HEXB: variants seen among roughly 807,000 people sequenced by gnomAD.
HEXB encodes hexosaminidase subunit beta, also known as beta-hexosaminidase subunit beta.
A neutral mutation model predicts 71.2 loss-of-function variants in HEXB; 51 were observed. The ratio of observed to expected loss-of-function variants is 0.72; its 90% CI spans 0.57 to 0.90. The LOEUF is 0.90. Ranked by LOEUF, HEXB falls within the 40% of genes least tolerant of loss-of-function variation. HEXB has a pLI of 0.00. For synonymous variants in HEXB, 266 were observed against 249.3 expected, an observed-to-expected ratio of 1.07 and a Z score of -0.63; for missense variants, 617 against 677.0, an observed-to-expected ratio of 0.91 and a Z score of 0.98.
chr5:74,720,071 A>G (rs951750503), intron 11 of HEXB: 2 of 271,158 alleles, frequency 7.4e-6, no homozygotes, highest in African/African-American at 4.4e-5. Context: ...TCCCTGGCAC[A>G]CTACTAAATA....
rs1295611093 is a variant in HEXB at position 74,705,340 on chromosome 5, C to G, written c.771+20C>G. 7.8e-7 allele frequency: 1 copy of G among 1,274,226 alleles called. No individual in the cohort carries two copies. Among genetic ancestry groups the G allele is most frequent in the Admixed American group, 1.7e-5 (1 of 59,544 alleles). 78.9% of individuals were successfully genotyped at this position (1,274,226 alleles called of 1,614,324 possible). On this transcript the variant is annotated intron_variant, in intron 6 of 13. Transcript: ENST00000261416. ...AATAAAGTGAGTAAATTGTATTGTA[C>G]TCTGTCTACAAAAACATTGGGTATA...
intron 6 of HEXB, among the ~76,000 whole-genome samples, chr5:74,713,205 A>G (rs974930974): frequency 5.9e-5 from 9 of 152,246 alleles, no homozygotes; most frequent in African/African-American, 2.2e-4. Flanking sequence ...CGGTTAGCCC[A>G]AAGTATACTG....
chr5:74,690,148 C>T (rs1021040770), intron 2 of HEXB, among the ~76,000 whole-genome samples: 1 of 152,132 alleles, frequency 6.6e-6, no homozygotes, highest in African/African-American at 2.4e-5. Flanking sequence ...CAACATTTAG[C>T]TGTATGATTT....
At chr5:74,689,535 C>A in intron 2 of HEXB, 62 bp downstream of exon 2, 2 of 1,351,390 alleles carry the variant, frequency 1.5e-6, no homozygotes, top group Non-Finnish European at 2.1e-6. Context: ...ACTTAAGTGC[C>A]AAAAACTGAC....
Position 74,716,614 on chromosome 5 carries a change from C to T in HEXB, c.1110C>T (p.Phe370=). 6.2e-7 allele frequency: 1 copy of T among 1,609,512 alleles called. No individual in the cohort carries two copies. Among genetic ancestry groups the T allele is most frequent in the Non-Finnish European group, 8.5e-7 (1 of 1,177,746 alleles). The change falls in exon 9 of 14, where the codon TTC becomes TTT. Residue 370 remains phenylalanine (F), a synonymous_variant. Transcript: ENST00000261416. The stretch of plus-strand genomic sequence containing the variant: ...AATCAAATCCAAAAATTCAAGATTT[C>T]ATGAGGCAAAAAGGCTTTGGCACAG... The part of the protein sequence containing the change: ...CWESNPKIQD[F]MRQKGFGTDF...
At chr5:74,685,156 C>T, upstream of HEXB, 3 of 1,260,898 alleles carry the variant, frequency 2.4e-6, no homozygotes, top group Non-Finnish European at 3.1e-6. Context: ...AGTCATCTGA[C>T]TCGGTGACTC....
intron 1 of HEXB, among the ~76,000 whole-genome samples, chr5:74,657,916 C>T (rs1472842194): frequency 6.6e-6 from 1 of 152,206 alleles, no homozygotes; most frequent in Non-Finnish European, 1.5e-5. Context: ...TTTCAGTCCA[C>T]TTTCCGATTC....
At chr5:74,677,689 CT>C (rs575779865) in intron 1 of HEXB, among the ~76,000 whole-genome samples, 374 of 151,782 alleles carry the variant, frequency 2.5e-3, no homozygotes, top group African/African-American at 8.7e-3. Flanking sequence ...CAAATTAAGT[CT>C]TTTTTTATTA....
intron 5 of HEXB, among the ~76,000 whole-genome samples, chr5:74,699,911 T>C (rs975509103): frequency 2.0e-5 from 3 of 149,786 alleles, no homozygotes; most frequent in Non-Finnish European, 4.4e-5. Flanking sequence ...CTCCTTGTTT[T>C]AATGTGCACT....
rs373945141 is a variant in HEXB at position 74,715,716 on chromosome 5, T to TAAAA, written c.1082+37_1082+40dup. 4,968 of 1,204,782 alleles carry TAAAA rather than the reference T, an allele frequency of 4.1e-3. 6 individuals are homozygous for TAAAA. The highest frequency in any genetic ancestry group is 0.015 in the Middle Eastern group (60 of 3,926). 74.6% of individuals were successfully genotyped at this position (1,204,782 alleles called of 1,614,324 possible). On this transcript the variant is annotated intron_variant, in intron 8 of 13. Transcript: ENST00000261416. Reference sequence around the variant, plus strand: ...GTAAGATGATTCCTTAAAACCCCTTTAAAAAAAAAAAAAAGAGAGGCTGGG... The same window carrying TAAAA: ...GTAAGATGATTCCTTAAAACCCCTTTAAAAAAAAAAAAAAAAAAGAGAGGCTGGG...
Position 74,661,983 on chromosome 5 carries a change from AC to A in HEXB, c.-377+21428del, listed in dbSNP as rs138491440. The stretch of plus-strand genomic sequence containing the variant: ...ACAACCTTATTTGATCTTTATGACA[AC>A]CCTACGATTACGAGAGGAATAGATA... On this transcript the variant is annotated intron_variant, in intron 1 of 13. Transcript: ENST00000511181. Among the ~76,000 whole-genome samples the A allele has an allele frequency of 9.0e-3, 1,373 of 152,220 alleles. 54 individuals are homozygous for A. The highest frequency in any genetic ancestry group is 0.062 in the East Asian group (322 of 5,170).
chr5:74,676,779 G>T (rs1218302358), intron 1 of HEXB, among the ~76,000 whole-genome samples: 5 of 152,144 alleles, frequency 3.3e-5, no homozygotes, highest in Admixed American at 6.5e-5. Context: ...AAGGGGAGCG[G>T]TGCGGGAAGG....
At chr5:74,698,867 C>A (rs1749180600) in intron 5 of HEXB, among the ~76,000 whole-genome samples, 1 of 151,970 alleles carries the variant, frequency 6.6e-6, no homozygotes, top group Non-Finnish European at 1.5e-5. Flanking sequence ...TTATGTGCTA[C>A]TTGTCTCATT....
intron 1 of HEXB, among the ~76,000 whole-genome samples, chr5:74,659,304 G>T (rs1297030125): frequency 2.0e-5 from 3 of 152,166 alleles, no homozygotes; most frequent in Admixed American, 2.0e-4. Flanking sequence ...TGATTTCTTA[G>T]TCTGCCCAAT....
chr5:74,683,023 C>T (rs147934666), upstream of HEXB, among the ~76,000 whole-genome samples: 5 of 152,196 alleles, frequency 3.3e-5, no homozygotes, highest in African/African-American at 9.6e-5. Flanking sequence ...GGCAGAAATG[C>T]GATTGGGCAA....
upstream of HEXB, chr5:74,685,216 C>G (rs1343949434): frequency 2.0e-5 from 30 of 1,467,882 alleles, no homozygotes; most frequent in East Asian, 5.8e-4. Context: ...AGTCGGGTCC[C>G]GAGGCTCCGG....
At chr5:74,653,180 A>T (rs1004720566) in intron 1 of HEXB, among the ~76,000 whole-genome samples, 2 of 152,172 alleles carry the variant, frequency 1.3e-5, no homozygotes, top group African/African-American at 4.8e-5. Flanking sequence ...GCAGACTGAA[A>T]CTGGGTACTC....
At chr5:74,676,329 C>T (rs189565873) in intron 1 of HEXB, among the ~76,000 whole-genome samples, 112 of 152,276 alleles carry the variant, frequency 7.4e-4, no homozygotes, top group Middle Eastern at 3.4e-3. Flanking sequence ...CTTGTAAAGA[C>T]GGTGTCTCAC....
In HEXB at chr5:74,703,187, A is replaced by C. The variant is rs555554565; in HGVS notation, c.670-2032A>C. ...AGGCTGGTCCCGAGCTCCTAGCCTC[A>C]GGTGGTCCACCCAGCTTGGCCTCCC... On this transcript the variant is annotated intron_variant, in intron 5 of 13. Transcript: ENST00000261416. 7.5e-4 allele frequency among the ~76,000 whole-genome samples: 115 copies of C among 152,354 alleles called. No individual in the cohort carries two copies. In the Middle Eastern group the frequency reaches 0.014, roughly 18 times the overall value.
Sources: gnomAD v4.1 joint callset for allele counts (sites outside exome capture counted in the v4.1 genomes callset) on GRCh38, gnomAD v4.1.1 for gene constraint, MANE v1.5 for transcripts, NCBI Gene and HGNC (gene_info 2026-07-23, HGNC 2026-07-21) for gene names.